Variants in KIF26B observed in about 807,000 individuals in gnomAD.
The protein encoded by KIF26B is kinesin-like protein KIF26B.
A neutral mutation model predicts 151.2 loss-of-function variants in KIF26B; 63 were observed. The ratio of observed to expected loss-of-function variants is 0.42; its 90% CI spans 0.34 to 0.51. The LOEUF (loss-of-function observed/expected upper bound fraction) is 0.51, where lower values mean the gene tolerates loss of function less well. KIF26B is among the 20% of genes least tolerant of loss of function. The probability of loss-of-function intolerance (pLI) is 0.07; values close to 1 mark genes in which losing one functional copy is unlikely to be tolerated. For synonymous variants in KIF26B, 1,357 were observed against 1,262.1 expected (o/e 1.08, Z -1.59); for missense variants, 2,813 against 2,913.6 (o/e 0.97, Z 0.79).
intron 2 of KIF26B, among the ~76,000 whole-genome samples, chr1:245,176,396 C>T (rs1294374066): frequency 6.6e-6 from 1 of 152,234 alleles, no homozygotes; most frequent in East Asian, 1.9e-4. Flanking sequence ...AAGTAGAATG[C>T]CATATTTCAT....
intron 3 of KIF26B, among the ~76,000 whole-genome samples, chr1:245,387,260 G>A (rs1211254388): frequency 6.6e-6 from 1 of 150,608 alleles, no homozygotes; most frequent in African/African-American, 2.4e-5. Context: ...TGCCTCCCCA[G>A]TTCAAGCGAT....
intron 2 of KIF26B, among the ~76,000 whole-genome samples, chr1:245,286,409 G>A (rs1573753758): frequency 6.6e-6 from 1 of 152,046 alleles, no homozygotes; most frequent in Non-Finnish European, 1.5e-5. Flanking sequence ...AGGTGTGATT[G>A]TGCACACCTG....
intron 2 of KIF26B, among the ~76,000 whole-genome samples, chr1:245,249,359 A>G (rs944114099): frequency 4.5e-4 from 69 of 152,224 alleles, no homozygotes; most frequent in African/African-American, 1.6e-3. Context: ...TTGGCTTCCC[A>G]AAGTGCTGGG....
At chr1:245,652,094 G>A (rs1028861056) in intron 10 of KIF26B, among the ~76,000 whole-genome samples, 1 of 138,468 alleles carries the variant, frequency 7.2e-6, no homozygotes, top group Non-Finnish European at 1.6e-5. Context: ...AGAGGTTCAT[G>A]TAAGAATCTG....
chr1:245,252,700 CTCTT>C (rs1670466563), intron 2 of KIF26B, among the ~76,000 whole-genome samples: 2 of 151,756 alleles, frequency 1.3e-5, no homozygotes, highest in Non-Finnish European at 2.9e-5. Context: ...GATAATATGT[CTCTT>C]TCTTTTTAAT....
Position 245,702,806 on chromosome 1 carries a change from A to T in KIF26B, c.*200A>T. On this transcript the variant is annotated 3_prime_UTR_variant, in exon 15 of 15. Transcript: ENST00000407071. This position sits in a 1 kb window ranked among gnomAD's most constrained non-coding sequence, Gnocchi z 4.1. ...AGGTGCAAACGTCAAACACCGTGGAAGGAGAAAAGGATGGGAAGCCCGAGG... is the reference window on the plus strand; with the variant it reads ...AGGTGCAAACGTCAAACACCGTGGATGGAGAAAAGGATGGGAAGCCCGAGG... 1 of 540,178 alleles carries T rather than the reference A, an allele frequency of 1.9e-6. No homozygotes were observed. The highest frequency in any genetic ancestry group is 3.1e-6 in the Non-Finnish European group (1 of 323,114). The allele number at this position is 540,178 out of a possible 1,614,324, so 33.5% of individuals were successfully genotyped here.
In KIF26B at chr1:245,564,209, CT is replaced by C. The variant is rs2042984726; in HGVS notation, c.1350+23260del. ...CTCTTGTGACTCTGAGTCTCTGCCC[CT>C]GGGTTCACGCCACTTAGAATGAGCT... is the stretch of plus-strand genomic sequence containing the variant. On this transcript the variant is annotated intron_variant, in intron 5 of 14. Coordinates refer to ENST00000407071, the MANE Select transcript of KIF26B (RefSeq NM_018012.4). The surrounding 1 kb of genome is among the most constrained non-coding windows in gnomAD (Gnocchi z 4.6). 6.6e-6 allele frequency among the ~76,000 whole-genome samples: 1 copy of C among 152,132 alleles called. No individual in the cohort carries two copies. Among genetic ancestry groups the C allele is most frequent in the South Asian group, 2.1e-4 (1 of 4,816 alleles).
At chr1:245,332,018 C>T (rs556487340) in intron 2 of KIF26B, among the ~76,000 whole-genome samples, 4 of 152,122 alleles carry the variant, frequency 2.6e-5, no homozygotes, top group African/African-American at 4.8e-5. Context: ...CTCAGCTAGT[C>T]GGGAGGCTGA....
In KIF26B at chr1:245,602,105, A is replaced by C. The variant is rs1040276949; in HGVS notation, c.1351-472A>C. On this transcript the variant is annotated intron_variant, in intron 5 of 14. Coordinates refer to ENST00000407071, the MANE Select transcript of KIF26B (RefSeq NM_018012.4). The surrounding 1 kb of genome is among the most constrained non-coding windows in gnomAD (Gnocchi z 4.5). The stretch of plus-strand genomic sequence containing the variant: ...CAGGCCATTTCACGGTTCTTTAATG[A>C]TGACACTAATAACTGTGGATTTTTG... 6.0e-5 allele frequency among the ~76,000 whole-genome samples: 9 copies of C among 149,438 alleles called. No homozygotes were observed. The highest frequency in any genetic ancestry group is 2.2e-4 in the African/African-American group (9 of 40,458).
At chr1:245,181,094 T>C (rs1558336321) in intron 2 of KIF26B, among the ~76,000 whole-genome samples, 1 of 152,190 alleles carries the variant, frequency 6.6e-6, no homozygotes, top group Non-Finnish European at 1.5e-5. Flanking sequence ...CTCAGCGACC[T>C]TTCTGCATTA....
intron 2 of KIF26B, among the ~76,000 whole-genome samples, chr1:245,324,011 CT>C: frequency 3.2e-5 from 4 of 125,850 alleles, no homozygotes; most frequent in African/African-American, 1.3e-4. Context: ...TTGGTGTGGA[CT>C]CTGCCAGGGG....
rs561856284 is a variant in KIF26B at position 245,632,047 on chromosome 1, G to A, written c.2099-14074G>A. On this transcript the variant is annotated intron_variant, in intron 9 of 14. Coordinates refer to ENST00000407071, the MANE Select transcript of KIF26B (RefSeq NM_018012.4). Reference sequence around the variant, plus strand: ...TTTTGTGTGTGTGTGTGTTTATTTCGTCTCTGATCTTTATTCTTTCTTCTG... The same window carrying A: ...TTTTGTGTGTGTGTGTGTTTATTTCATCTCTGATCTTTATTCTTTCTTCTG... Among the ~76,000 whole-genome samples, 292 of 151,314 alleles carry A rather than the reference G, an allele frequency of 1.9e-3. 1 individual carries two copies. Among genetic ancestry groups the A allele is most frequent in the African/African-American group, 6.5e-3 (270 of 41,252 alleles).
chr1:245,349,575 A>G (rs1672525045), intron 2 of KIF26B, among the ~76,000 whole-genome samples: 1 of 151,638 alleles, frequency 6.6e-6, no homozygotes, highest in Non-Finnish European at 1.5e-5. Context: ...AAAAAAAAAA[A>G]AAAAGCCAAC....
At chr1:245,647,495 A>G (rs1284902854) in intron 10 of KIF26B, among the ~76,000 whole-genome samples, 5 of 152,124 alleles carry the variant, frequency 3.3e-5, no homozygotes, top group African/African-American at 1.2e-4. Context: ...CCAATAACCA[A>G]TGATGAAAGT....
At chr1:245,230,314 C>T (rs2103554351) in intron 2 of KIF26B, among the ~76,000 whole-genome samples, 1 of 152,304 alleles carries the variant, frequency 6.6e-6, no homozygotes, top group Non-Finnish European at 1.5e-5. Flanking sequence ...ACTTGAACAA[C>T]TGAAGAGAGT....
chr1:245,395,981 A>T (rs1673828508), intron 3 of KIF26B, among the ~76,000 whole-genome samples: 1 of 152,192 alleles, frequency 6.6e-6, no homozygotes, highest in Admixed American at 6.5e-5. Flanking sequence ...AAAAATTCAC[A>T]ACTGTGGCAG....
intron 10 of KIF26B, among the ~76,000 whole-genome samples, chr1:245,660,630 C>T (rs892573314): frequency 7.2e-5 from 11 of 151,996 alleles, no homozygotes; most frequent in Non-Finnish European, 1.0e-4. Flanking sequence ...CATGAGCCAC[C>T]GCACCCAGCC....
chr1:245,187,571 C>T (rs890144569), intron 2 of KIF26B, among the ~76,000 whole-genome samples: 5 of 152,158 alleles, frequency 3.3e-5, no homozygotes, highest in African/African-American at 1.2e-4. Flanking sequence ...TGGTCGCTTT[C>T]TTTTAACCAG....
At position 245,660,942 on chromosome 1, in the gene KIF26B, T is replaced by C. The variant is rs528112297; in HGVS notation, c.2258+14662T>C. On this transcript the variant is annotated intron_variant, in intron 10 of 14. Transcript: ENST00000407071. ...GCAATCCACCTGCCTCAACCTCCTGTAGCTGGGACTACAGGCGTGTGCCAC... is the reference window on the plus strand; with the variant it reads ...GCAATCCACCTGCCTCAACCTCCTGCAGCTGGGACTACAGGCGTGTGCCAC... Among the ~76,000 whole-genome samples the C allele has an allele frequency of 9.3e-4, 141 of 151,894 alleles. 1 individual carries two copies. The highest frequency in any genetic ancestry group is 9.1e-3 in the Admixed American group (139 of 15,262).
Sources: gnomAD v4.1 joint callset for allele counts (sites outside exome capture counted in the v4.1 genomes callset) on GRCh38, gnomAD v4.1.1 for gene constraint, Gnocchi (gnomAD v3.1) non-coding constraint, MANE v1.5 for transcripts, NCBI Gene and HGNC (gene_info 2026-07-23, HGNC 2026-07-21) for gene names.